The following EYS variants were observed in gnomAD, a reference collection of about 807,000 sequenced individuals.
EYS encodes the protein EGF-like photoreceptor maintenance factor.
EYS carries 250 observed loss-of-function variants against 282.1 expected under a neutral mutation model. The observed-to-expected ratio is 0.89, with a 90% confidence interval of 0.80 to 0.98. EYS has a LOEUF of 0.98. Among genes scored for constraint, EYS ranks in the 50% least tolerant of loss-of-function variants. EYS has a pLI of 0.00. For missense variants in EYS, 4,016 were observed against 3,709.0 expected (o/e 1.08, Z -2.15); for synonymous variants, 1,355 against 1,282.9 (o/e 1.06, Z -1.20).
intron 12 of EYS, among the ~76,000 whole-genome samples, chr6:65,282,660 A>C (rs1373331370): frequency 2.0e-5 from 3 of 151,976 alleles, no homozygotes; most frequent in East Asian, 3.9e-4. Context: ...ATGAGATAAT[A>C]CATTTTTACT....
At chr6:64,599,003 A>G (rs653061) in intron 24 of EYS, among the ~76,000 whole-genome samples, 18,627 of 152,158 alleles carry the variant, frequency 0.12, 1,182 homozygotes, top group East Asian at 0.17. Context: ...TGCTTAATAT[A>G]TTTACACAAA....
chr6:64,333,181 C>T lies in EYS; in HGVS notation c.6079-26099G>A, dbSNP rs535703503. ...GCCCAAGAATGTTATGACCAGAGTTCTTGCCTTATGACTTCTGGTTTGAAG... is the reference window on the plus strand; with the variant it reads ...GCCCAAGAATGTTATGACCAGAGTTTTTGCCTTATGACTTCTGGTTTGAAG... On this transcript the variant is annotated intron_variant, in intron 29 of 42. Coordinates refer to ENST00000503581, the MANE Select transcript of EYS (RefSeq NM_001142800.2). 3.3e-5 allele frequency among the ~76,000 whole-genome samples: 5 copies of T among 152,276 alleles called. No homozygotes were observed. In the South Asian group the frequency reaches 1.0e-3, roughly 32 times the overall value.
chr6:65,253,783 A>G (rs1469203812), intron 12 of EYS, among the ~76,000 whole-genome samples: 1 of 151,856 alleles, frequency 6.6e-6, no homozygotes, highest in African/African-American at 2.4e-5. Flanking sequence ...AAAACAGTAT[A>G]CATGGATATA....
intron 2 of EYS, among the ~76,000 whole-genome samples, chr6:65,555,704 G>A (rs898564402): frequency 1.1e-4 from 16 of 151,938 alleles, no homozygotes; most frequent in South Asian, 2.1e-4. Context: ...TCTTACTTTC[G>A]TAATTAGTTT....
At chr6:64,369,086 A>G (rs1271143497) in intron 29 of EYS, among the ~76,000 whole-genome samples, 1 of 152,088 alleles carries the variant, frequency 6.6e-6, no homozygotes, top group Non-Finnish European at 1.5e-5. Flanking sequence ...TGTATATGGT[A>G]TAAGGAAAGG....
At chr6:64,156,931 A>C (rs1441926337) in intron 31 of EYS, among the ~76,000 whole-genome samples, 1 of 151,862 alleles carries the variant, frequency 6.6e-6, no homozygotes, top group Non-Finnish European at 1.5e-5. Context: ...TTTAGGGTAC[A>C]TGTGCACAAT....
chr6:65,094,009 G>A (rs1450920114), intron 12 of EYS, among the ~76,000 whole-genome samples: 1 of 151,638 alleles, frequency 6.6e-6, no homozygotes, highest in Non-Finnish European at 1.5e-5. Context: ...ATATATTTAA[G>A]TAAAAAGGTG....
intron 1 of EYS, among the ~76,000 whole-genome samples, chr6:65,656,422 T>C (rs941891148): frequency 6.6e-6 from 1 of 151,804 alleles, no homozygotes; most frequent in Non-Finnish European, 1.5e-5. Context: ...TGAGGGAAAG[T>C]GCTATTTCAG....
At chr6:64,175,213 A>G (rs79073388) in intron 31 of EYS, among the ~76,000 whole-genome samples, 1,727 of 152,234 alleles carry the variant, frequency 0.011, 30 homozygotes, top group African/African-American at 0.038. Flanking sequence ...CAATATTTCT[A>G]TGCCTCTATT....
At chr6:64,606,638 A>C (rs1766946597) in intron 24 of EYS, among the ~76,000 whole-genome samples, 1 of 152,046 alleles carries the variant, frequency 6.6e-6, no homozygotes, top group South Asian at 2.1e-4. Context: ...GAACACTTTC[A>C]AGCCTCTCTC....
At chr6:65,067,938 C>T (rs1773795000) in intron 12 of EYS, among the ~76,000 whole-genome samples, 1 of 152,108 alleles carries the variant, frequency 6.6e-6, no homozygotes, top group South Asian at 2.1e-4. Flanking sequence ...AATTCTATCA[C>T]ATGCTAGCAG....
At chr6:65,051,180 T>A (rs1773257621) in intron 13 of EYS, among the ~76,000 whole-genome samples, 1 of 151,584 alleles carries the variant, frequency 6.6e-6, no homozygotes, top group African/African-American at 2.4e-5. Context: ...CATTAGCTAC[T>A]GAAAACTTTT....
intron 31 of EYS, among the ~76,000 whole-genome samples, chr6:64,115,065 C>G (rs900104473): frequency 2.0e-5 from 3 of 152,160 alleles, no homozygotes; most frequent in Admixed American, 6.5e-5. Context: ...TGCCCAAGCT[C>G]TAGACCTTGG....
At position 65,400,608 on chromosome 6, in the gene EYS, C is replaced by A. The variant is rs114085093; in HGVS notation, c.1184+1870G>T. Among the ~76,000 whole-genome samples the A allele has an allele frequency of 9.9e-3, 1,507 of 152,004 alleles. 21 individuals are homozygous for A. The highest frequency in any genetic ancestry group is 0.034 in the African/African-American group (1,411 of 41,498). On this transcript the variant is annotated intron_variant, in intron 7 of 42. Transcript: ENST00000503581. ...ACTACTGGAGAAAATTAATTTCTTT[C>A]TAACTGTATTGCTTTAAGTTACTAG...
At chr6:64,764,337 C>A (rs185119168) in intron 22 of EYS, among the ~76,000 whole-genome samples, 1 of 152,232 alleles carries the variant, frequency 6.6e-6, no homozygotes, top group East Asian at 1.9e-4. Flanking sequence ...GCAGGCCCAA[C>A]ACCACGTGGA....
intron 12 of EYS, among the ~76,000 whole-genome samples, chr6:65,202,973 C>G (rs1210930501): frequency 6.6e-6 from 1 of 152,184 alleles, no homozygotes; most frequent in Non-Finnish European, 1.5e-5. Context: ...CTCAGAGAGC[C>G]TGGCTGCCAG....
chr6:64,178,181 A>G (rs1258307750), intron 31 of EYS, among the ~76,000 whole-genome samples: 1 of 152,086 alleles, frequency 6.6e-6, no homozygotes, highest in Non-Finnish European at 1.5e-5. Flanking sequence ...GTTTTACTAG[A>G]AAGCCCATCT....
chr6:64,645,690 A>G (rs1210247003), intron 22 of EYS, among the ~76,000 whole-genome samples: 1 of 123,352 alleles, frequency 8.1e-6, no homozygotes, highest in Non-Finnish European at 1.7e-5. Flanking sequence ...AATGTAAATA[A>G]TAAGTGTAAT....
At chr6:63,882,739 T>A (rs1773165480) in intron 35 of EYS, among the ~76,000 whole-genome samples, 1 of 152,034 alleles carries the variant, frequency 6.6e-6, no homozygotes, top group Non-Finnish European at 1.5e-5. Flanking sequence ...GGGGGAGAGT[T>A]TTCAGTGGAA....
Sources: gnomAD v4.1 joint callset for allele counts (sites outside exome capture counted in the v4.1 genomes callset) on GRCh38, gnomAD v4.1.1 for gene constraint, MANE v1.5 for transcripts, NCBI Gene and HGNC (gene_info 2026-07-23, HGNC 2026-07-21) for gene names.